DNAH8: variants seen among roughly 807,000 people sequenced by gnomAD.
DNAH8 encodes the protein axonemal beta dynein heavy chain 8.
In DNAH8, 382 loss-of-function variants were observed where a neutral mutation model predicts 562.1. That is an observed-to-expected ratio of 0.68 (90% confidence interval 0.63 to 0.74). DNAH8 has a LOEUF of 0.74. Among genes scored for constraint, DNAH8 ranks in the 30% least tolerant of loss-of-function variants. DNAH8 has a pLI of 0.00. For synonymous variants in DNAH8, 1,881 were observed against 1,919.4 expected (o/e 0.98, Z 0.52); for missense variants, 5,203 against 5,620.4 (o/e 0.93, Z 2.37).
chr6:38,896,352 T>C (rs1779687479), intron 60 of DNAH8, 127 bp downstream of exon 60: 1 of 735,686 alleles, frequency 1.4e-6, no homozygotes, highest in African/African-American at 1.8e-5. Context: ...GGTGGGAGGA[T>C]TGCTTGAGCC....
chr6:38,750,552 T>C lies in DNAH8; in HGVS notation c.1370T>C (p.Leu457Ser), dbSNP rs1236021253. The change falls in exon 9 of 93, where the codon TTG (leucine) becomes TCG (serine). Residue 457 changes from leucine (L) to serine (S), a missense_variant. This residue lies in a region of DNAH8 where 2,176 missense variants were observed against 2,365.1 expected (regional missense o/e 0.92). Coordinates refer to ENST00000327475, the MANE Select transcript of DNAH8 (RefSeq NM_001206927.2). ...SKDNVRYLYT[L>S]EKVCQPLYNH... ...GATAATGTCAGATATTTGTATACTT[T>C]GGAAAAAGTGTGTCAACCTCTCTAT... The C allele has an allele frequency of 1.2e-6, 2 of 1,611,538 alleles. No homozygotes were observed. Among genetic ancestry groups the C allele is most frequent in the Non-Finnish European group, 1.7e-6 (2 of 1,178,560 alleles).
chr6:38,929,701 G>GA, intron 75 of DNAH8, 35 bp downstream of exon 75: 1 of 1,376,574 alleles, frequency 7.3e-7, no homozygotes, highest in Non-Finnish European at 9.5e-7. Flanking sequence ...AAGAAAGAAA[G>GA]AAAGAAAAGA....
intron 52 of DNAH8, among the ~76,000 whole-genome samples, chr6:38,874,056 TTC>T (rs1437346227): frequency 7.0e-5 from 2 of 28,452 alleles, no homozygotes; most frequent in South Asian, 2.0e-3. Flanking sequence ...CTTTCTTTCT[TTC>T]TTTCTTTCTT....
intron 21 of DNAH8, among the ~76,000 whole-genome samples, chr6:38,793,722 T>A (rs942631415): frequency 3.3e-5 from 5 of 152,174 alleles, no homozygotes; most frequent in African/African-American, 1.2e-4. Flanking sequence ...AGATGTTATT[T>A]TATATTCTTT....
intron 47 of DNAH8, among the ~76,000 whole-genome samples, chr6:38,867,588 C>CA (rs70981596): frequency 0.3 from 39,057 of 130,600 alleles, 5,871 homozygotes; most frequent in East Asian, 0.63. Flanking sequence ...ACTAAAAATA[C>CA]AAAAAAAAAA....
chr6:38,976,083 G>T (rs1763652310), intron 85 of DNAH8, among the ~76,000 whole-genome samples: 1 of 152,236 alleles, frequency 6.6e-6, no homozygotes, highest in Non-Finnish European at 1.5e-5. Context: ...GAAGTTACCA[G>T]TGGAGTGTCC....
intron 26 of DNAH8, among the ~76,000 whole-genome samples, chr6:38,818,338 G>A (rs1772474574): frequency 1.3e-5 from 2 of 151,862 alleles, no homozygotes; most frequent in South Asian, 2.1e-4. Context: ...ACTATAAATT[G>A]TTAGATGCAA....
At chr6:38,812,200 T>C (rs1249165967) in intron 24 of DNAH8, among the ~76,000 whole-genome samples, 1 of 152,168 alleles carries the variant, frequency 6.6e-6, no homozygotes, top group Non-Finnish European at 1.5e-5. Flanking sequence ...GGTCACTGCC[T>C]CTTTCCAGCC....
At chr6:39,021,245 C>T (rs528975373) in intron 91 of DNAH8, among the ~76,000 whole-genome samples, 10 of 152,318 alleles carry the variant, frequency 6.6e-5, no homozygotes, top group East Asian at 1.9e-4. Flanking sequence ...CAGCCAGCAG[C>T]GTCTGTATCA....
chr6:38,927,067 C>T (rs978680227), intron 74 of DNAH8, among the ~76,000 whole-genome samples: 42 of 152,168 alleles, frequency 2.8e-4, no homozygotes, highest in Non-Finnish European at 5.4e-4. Flanking sequence ...ATGTTCTGCA[C>T]TGCTCTTTTT....
At chr6:38,742,605 T>TTTTC (rs1187169288) in intron 8 of DNAH8, among the ~76,000 whole-genome samples, 2 of 151,986 alleles carry the variant, frequency 1.3e-5, no homozygotes, top group Non-Finnish European at 2.9e-5. Context: ...CCTGGCTTCT[T>TTTTC]TTTCTTTCTT....
chr6:38,846,060 A>T (rs1218338071), intron 36 of DNAH8, among the ~76,000 whole-genome samples: 2 of 146,768 alleles, frequency 1.4e-5, no homozygotes, highest in East Asian at 4.0e-4. Context: ...CCCCACTGAG[A>T]TGACCTCTTC....
rs932890349 is a variant in DNAH8, at chr6:38,964,777, A to G, written c.12452-6815A>G. 2.6e-5 allele frequency among the ~76,000 whole-genome samples: 4 copies of G among 152,166 alleles called. No homozygotes were observed. The South Asian group carries it at 6.2e-4, about 24-fold the overall frequency. On this transcript the variant is annotated intron_variant, in intron 82 of 92. Coordinates refer to ENST00000327475, the MANE Select transcript of DNAH8 (RefSeq NM_001206927.2). ...GAAACGTAGAGATATAAAATAATGT[A>G]TAGTCCGGGCATGGTGGCTCACACC... is the stretch of plus-strand genomic sequence containing the variant.
intron 39 of DNAH8, among the ~76,000 whole-genome samples, chr6:38,852,272 T>TAATGTAGTTTCCTTGTTGGTTTCC (rs1424872982): frequency 2.6e-5 from 4 of 152,128 alleles, no homozygotes; most frequent in Non-Finnish European, 5.9e-5. Flanking sequence ...GGGAAACGGC[T>TAATGTAGTTTCCTTGTTGGTTTCC]AATGTAGTTT....
In DNAH8 at chr6:38,883,958, A is replaced by G; in HGVS notation, c.8219A>G (p.Asp2740Gly). The G allele has an allele frequency of 1.9e-6, 3 of 1,586,330 alleles. No homozygotes were observed. Among genetic ancestry groups the G allele is most frequent in the Non-Finnish European group, 1.7e-6 (2 of 1,164,662 alleles). ...PGGRKMTVFI[D>G]DINMPVINEW... ...GGGAGAAAAATGACTGTATTTATTG[A>G]TGATATTAATATGCCTGTGATTAAT... The change falls in exon 56 of 93, where the codon GAT becomes GGT. Residue 2740 changes from aspartate to glycine, a missense_variant. Physicochemically the swap from Asp to Gly is moderately conservative, Grantham distance 94. Transcript: ENST00000327475.
intron 92 of DNAH8, among the ~76,000 whole-genome samples, chr6:39,027,565 C>T (rs1289367189): frequency 3.3e-5 from 5 of 152,136 alleles, no homozygotes; most frequent in South Asian, 4.1e-4. Context: ...CGGTGGCTCA[C>T]GCCTGTAATC....
intron 58 of DNAH8, among the ~76,000 whole-genome samples, chr6:38,893,484 G>A (rs1033930892): frequency 4.6e-5 from 7 of 152,070 alleles, no homozygotes; most frequent in East Asian, 1.9e-4. Context: ...AATGGCTGCC[G>A]TCATGGCTGG....
intron 37 of DNAH8, among the ~76,000 whole-genome samples, chr6:38,849,213 T>C (rs1197676141): frequency 6.6e-6 from 1 of 152,186 alleles, no homozygotes; most frequent in East Asian, 1.9e-4. Flanking sequence ...TGCAGTACTA[T>C]TATAGTAGTT....
At chr6:38,855,586 A>G (rs1583193195) in intron 41 of DNAH8, among the ~76,000 whole-genome samples, 1 of 152,270 alleles carries the variant, frequency 6.6e-6, no homozygotes, top group Non-Finnish European at 1.5e-5. Context: ...ATGTCTTGTG[A>G]TCAGATGAGA....
Sources: gnomAD v4.1 joint callset for allele counts (sites outside exome capture counted in the v4.1 genomes callset) on GRCh38, gnomAD v4.1.1 for gene constraint, gnomAD v4.1.1 regional missense constraint, MANE v1.5 for transcripts, NCBI Gene and HGNC (gene_info 2026-07-23, HGNC 2026-07-21) for gene names.